UFD1: variants seen among roughly 807,000 people sequenced by gnomAD.
The protein encoded by UFD1 is ubiquitin recognition factor in ER-associated degradation protein 1.
In UFD1, 13 loss-of-function variants were observed where a neutral mutation model predicts 45.9. The observed-to-expected ratio is 0.28, with a 90% CI of 0.18 to 0.45. The LOEUF is 0.45. Ranked by LOEUF, UFD1 falls within the 20% of genes least tolerant of loss-of-function variation. The pLI, the probability that UFD1 is intolerant of heterozygous loss-of-function variation, is 1.00. For missense variants in UFD1, 218 were observed against 389.2 expected (o/e 0.56, Z 3.70); for synonymous variants, 128 against 139.2 (o/e 0.92, Z 0.56).
chr22:19,470,533 CTGGG>C (rs1013223137), intron 4 of UFD1: 15 of 348,572 alleles, frequency 4.3e-5, no homozygotes, highest in African/African-American at 3.0e-4. Context: ...CCTAAGCCTC[CTGGG>C]TTTAAGCCAT....
chr22:19,460,332 A>G (rs2089757129), intron 6 of UFD1, among the ~76,000 whole-genome samples: 1 of 152,188 alleles, frequency 6.6e-6, no homozygotes, highest in Non-Finnish European at 1.5e-5. Flanking sequence ...ACAAATAATC[A>G]GTGGGTCATA....
intron 6 of UFD1, among the ~76,000 whole-genome samples, chr22:19,460,836 T>C (rs943957346): frequency 6.6e-6 from 1 of 151,278 alleles, no homozygotes; most frequent in Admixed American, 6.6e-5. Context: ...CCTGGCTCAC[T>C]GCAGACTCAA....
At chr22:19,454,205 T>C in intron 11 of UFD1, 1 of 987,946 alleles carries the variant, frequency 1.0e-6, no homozygotes, top group South Asian at 4.7e-5. Context: ...GCAAGTCTTC[T>C]GTTTCATACA....
rs1601889640 is a variant in UFD1 at position 19,458,244 on chromosome 22, T to C, written c.496-105A>G. ...ACTGGCTCCTGCGAATGACACAGCA[T>C]TCATGCCCATGACACAACCTACAGC... is the stretch of plus-strand genomic sequence containing the variant. On this transcript the variant is annotated intron_variant, in intron 6 of 11. Coordinates refer to ENST00000263202, the MANE Select transcript of UFD1 (RefSeq NM_005659.7). 6 of 1,194,192 alleles carry C rather than the reference T, an allele frequency of 5.0e-6. No individual in the cohort carries two copies. The East Asian group carries it at 1.4e-4, about 28-fold the overall frequency. The allele number at this position is 1,194,192 out of a possible 1,614,324, so 74.0% of individuals were successfully genotyped here.
chr22:19,478,136 A>G (rs1471049976), intron 1 of UFD1, among the ~76,000 whole-genome samples: 1 of 152,208 alleles, frequency 6.6e-6, no homozygotes, highest in Admixed American at 6.5e-5. Flanking sequence ...CAGTTTACCC[A>G]TGAACCCGAC....
intron 7 of UFD1, 86 bp from the exon 8 acceptor site, chr22:19,457,004 A>T (rs547522976): frequency 1.2e-6 from 1 of 869,448 alleles, no homozygotes; most frequent in South Asian, 1.4e-5. Flanking sequence ...ACAACTGTAG[A>T]TTCACATGCA....
At chr22:19,456,818 G>A in intron 8 of UFD1, 35 bp downstream of exon 8, 2 of 1,614,154 alleles carry the variant, frequency 1.2e-6, no homozygotes, top group Non-Finnish European at 1.7e-6. Context: ...GCAGCATGCA[G>A]CAGGACAGCA....
At chr22:19,460,321 C>T (rs2089757030) in intron 6 of UFD1, among the ~76,000 whole-genome samples, 1 of 151,994 alleles carries the variant, frequency 6.6e-6, no homozygotes, top group African/African-American at 2.4e-5. Flanking sequence ...TTCAAAAGGC[C>T]ACAAATAATC....
chr22:19,455,568 T>C, intron 10 of UFD1, 112 bp downstream of exon 10: 2 of 968,752 alleles, frequency 2.1e-6, no homozygotes, highest in South Asian at 1.5e-5. Flanking sequence ...TTTAGTCCCT[T>C]GGGAGACTAC....
Position 19,456,658 on chromosome 22 carries a change from G to A in UFD1, c.631-24C>T, listed in dbSNP as rs117387641. ...TCCTGACAGGGAAAAAGAAAAACAG[G>A]TGAGCTCCTCAGCGGGGACACCCAG... On this transcript the variant is annotated intron_variant, in intron 8 of 11. Transcript: ENST00000263202. The A allele has an allele frequency of 3.7e-3, 5,919 of 1,614,172 alleles. 190 individuals carry two copies. In the East Asian group the frequency reaches 0.077, roughly 21 times the overall value.
intron 1 of UFD1, among the ~76,000 whole-genome samples, chr22:19,476,045 CCT>C (rs1237596340): frequency 2.0e-5 from 3 of 152,142 alleles, no homozygotes; most frequent in Admixed American, 1.3e-4. Context: ...AGATACCACC[CCT>C]GTCCTGGTGA....
chr22:19,458,398 T>C (rs1431824476), intron 6 of UFD1, among the ~76,000 whole-genome samples: 1 of 152,212 alleles, frequency 6.6e-6, no homozygotes, highest in Non-Finnish European at 1.5e-5. Flanking sequence ...CAAAAGACAC[T>C]AACAACCTTT....
At chr22:19,455,926 G>A (rs1409844775) in intron 9 of UFD1, among the ~76,000 whole-genome samples, 158 bp from the exon 10 acceptor site, 1 of 152,226 alleles carries the variant, frequency 6.6e-6, no homozygotes, top group Non-Finnish European at 1.5e-5. Context: ...TGGCAGCTAA[G>A]AACTCTGCCC....
chr22:19,478,883 A>T, intron 1 of UFD1, 200 bp downstream of exon 1: 1 of 630,212 alleles, frequency 1.6e-6, no homozygotes, highest in Non-Finnish European at 2.6e-6. Flanking sequence ...AGCCACGTTC[A>T]GGACCGGCGG....
At chr22:19,479,007 C>T (rs535609254) in intron 1 of UFD1, 76 bp downstream of exon 1, 7 of 1,414,760 alleles carry the variant, frequency 4.9e-6, no homozygotes, top group East Asian at 2.5e-5. Flanking sequence ...CCGTCCCGCC[C>T]CGCCCTGCCC....
chr22:19,455,120 CCT>C (rs1426623283), intron 10 of UFD1, among the ~76,000 whole-genome samples: 1 of 152,068 alleles, frequency 6.6e-6, no homozygotes, highest in East Asian at 1.9e-4. Flanking sequence ...CACAGAACCC[CCT>C]GAGGTGGCTA....
intron 6 of UFD1, 91 bp from the exon 7 acceptor site, chr22:19,458,230 C>A: frequency 1.5e-6 from 2 of 1,357,392 alleles, no homozygotes. Context: ...CTGGCTCCTG[C>A]GAATGACACA....
rs2073758 is a variant in UFD1 at position 19,471,634 on chromosome 22, A to G, written c.291+53T>C. On this transcript the variant is annotated intron_variant, in intron 4 of 11. Coordinates refer to ENST00000263202, the MANE Select transcript of UFD1 (RefSeq NM_005659.7). Reference sequence around the variant, plus strand: ...CAGGGCCAGGACTCTCGAGTGCAGGAGATGTCTCTGCCTAAGTGGCTGCTC... The same window carrying G: ...CAGGGCCAGGACTCTCGAGTGCAGGGGATGTCTCTGCCTAAGTGGCTGCTC... 0.53 allele frequency: 837,407 copies of G among 1,594,598 alleles called. 221,742 individuals are homozygous for G. The highest frequency in any genetic ancestry group is 0.61 in the South Asian group (54,847 of 89,220).
chr22:19,456,562 A>G (rs754549106), intron 9 of UFD1, 25 bp downstream of exon 9: 19 of 1,614,062 alleles, frequency 1.2e-5, no homozygotes, highest in Middle Eastern at 1.6e-4. Context: ...GCACAGCAAT[A>G]TAAGTCAAGT....
Sources: gnomAD v4.1 joint callset for allele counts (sites outside exome capture counted in the v4.1 genomes callset) on GRCh38, gnomAD v4.1.1 for gene constraint, MANE v1.5 for transcripts, NCBI Gene and HGNC (gene_info 2026-07-23, HGNC 2026-07-21) for gene names.